Variants in TMCC1 observed in about 807,000 individuals in gnomAD.
The protein encoded by TMCC1 is transmembrane and coiled-coil domain family 1.
In TMCC1, 15 loss-of-function variants were observed where a neutral mutation model predicts 52.4. The observed-to-expected ratio is 0.29, with a 90% CI of 0.19 to 0.44. The LOEUF is 0.44. TMCC1 is among the 20% of genes least tolerant of loss of function. TMCC1 has a pLI of 1.00. For synonymous variants in TMCC1, 279 were observed against 301.9 expected (o/e 0.92, Z 0.79); for missense variants, 503 against 806.0 (o/e 0.62, Z 4.55).
intron 2 of TMCC1, among the ~76,000 whole-genome samples, chr3:129,860,102 C>T (rs961712662): frequency 9.9e-5 from 15 of 152,170 alleles, no homozygotes; most frequent in African/African-American, 3.4e-4. Flanking sequence ...TTTAAAAATA[C>T]ATATGTTAAA....
intron 4 of TMCC1, among the ~76,000 whole-genome samples, chr3:129,677,284 T>C (rs368916825): frequency 1.3e-5 from 2 of 152,244 alleles, no homozygotes; most frequent in South Asian, 2.1e-4. Flanking sequence ...CAGGCTATAA[T>C]ATTCAAGAAT....
intron 2 of TMCC1, among the ~76,000 whole-genome samples, chr3:129,866,088 C>G (rs2060613166): frequency 6.6e-6 from 1 of 151,754 alleles, no homozygotes; most frequent in African/African-American, 2.4e-5. Flanking sequence ...ATGGAATACA[C>G]CCACTATTCT....
intron 4 of TMCC1, chr3:129,688,347 A>G: frequency 1.0e-6 from 1 of 985,374 alleles, no homozygotes; most frequent in Non-Finnish European, 1.2e-6. Context: ...GCTGTGGCAT[A>G]GTCTGTCACT....
intron 4 of TMCC1, among the ~76,000 whole-genome samples, chr3:129,725,825 T>C (rs939312378): frequency 1.3e-5 from 2 of 152,214 alleles, no homozygotes; most frequent in Admixed American, 1.3e-4. Context: ...TCTGAGCTTC[T>C]TTCTTAGCAA....
intron 2 of TMCC1, among the ~76,000 whole-genome samples, chr3:129,853,889 C>T (rs1193879207): frequency 1.3e-5 from 2 of 152,128 alleles, no homozygotes; most frequent in Non-Finnish European, 1.5e-5. Context: ...CTCCTCTCTT[C>T]TCCACTTCAT....
chr3:129,738,850 ACT>A (rs2051210043), intron 4 of TMCC1, among the ~76,000 whole-genome samples: 1 of 152,162 alleles, frequency 6.6e-6, no homozygotes, highest in African/African-American at 2.4e-5. Flanking sequence ...ACAGGGTCTC[ACT>A]CTGTCACCCA....
At chr3:129,819,182 A>C (rs1446184634) in intron 4 of TMCC1, 1 of 152,266 alleles carries the variant, frequency 6.6e-6, no homozygotes, top group African/African-American at 2.4e-5. Context: ...TCCCGGGTTC[A>C]AGTGATTCTC....
chr3:129,886,020 C>A (rs1039298570), intron 1 of TMCC1, among the ~76,000 whole-genome samples: 2 of 152,114 alleles, frequency 1.3e-5, no homozygotes, highest in Non-Finnish European at 2.9e-5. Context: ...GGATTACAGG[C>A]GTGAGCCACT....
At chr3:129,759,863 A>T (rs2053375739) in intron 4 of TMCC1, among the ~76,000 whole-genome samples, 1 of 150,500 alleles carries the variant, frequency 6.6e-6, no homozygotes, top group Non-Finnish European at 1.5e-5. Context: ...CTGGGACTAT[A>T]GGCGCCCGCC....
intron 4 of TMCC1, among the ~76,000 whole-genome samples, chr3:129,786,958 G>C (rs1014893705): frequency 1.3e-5 from 2 of 152,144 alleles, no homozygotes; most frequent in Non-Finnish European, 2.9e-5. Context: ...AGAAACTAAA[G>C]TCTAAGCCCA....
chr3:129,841,995 G>A (rs1577055080), intron 2 of TMCC1, among the ~76,000 whole-genome samples: 1 of 152,092 alleles, frequency 6.6e-6, no homozygotes, highest in East Asian at 1.9e-4. Context: ...ACTAATACAA[G>A]GGGTATTATA....
intron 4 of TMCC1, among the ~76,000 whole-genome samples, chr3:129,759,709 A>ATTTTTTTTTT (rs1560350161): frequency 1.0e-4 from 10 of 98,368 alleles, no homozygotes; most frequent in African/African-American, 3.9e-4. Context: ...AGCCAGCCAA[A>ATTTTTTTTTT]CTTTTTTTTT....
chr3:129,676,702 T>G (rs2088478408), intron 4 of TMCC1, among the ~76,000 whole-genome samples: 1 of 152,184 alleles, frequency 6.6e-6, no homozygotes, highest in Admixed American at 6.5e-5. Context: ...AGGGCAAGAA[T>G]AAGAAGACCT....
At chr3:129,862,063 A>C (rs1019276602) in intron 2 of TMCC1, among the ~76,000 whole-genome samples, 1 of 152,230 alleles carries the variant, frequency 6.6e-6, no homozygotes, top group African/African-American at 2.4e-5. Context: ...GCTACAACAA[A>C]ATGTATAAAT....
At chr3:129,718,339 A>C (rs1003503645) in intron 4 of TMCC1, among the ~76,000 whole-genome samples, 10 of 152,250 alleles carry the variant, frequency 6.6e-5, no homozygotes, top group Non-Finnish European at 1.2e-4. Context: ...TCCAGTTGCT[A>C]GCAGTGAGTG....
chr3:129,887,371 G>A (rs2061758463), intron 1 of TMCC1, among the ~76,000 whole-genome samples: 1 of 151,746 alleles, frequency 6.6e-6, no homozygotes, highest in African/African-American at 2.4e-5. Context: ...GGGGAATCCC[G>A]TCTCTATTAA....
chr3:129,744,297 CA>C (rs1256075954), intron 4 of TMCC1, among the ~76,000 whole-genome samples: 6 of 152,100 alleles, frequency 3.9e-5, no homozygotes, highest in Non-Finnish European at 8.8e-5. Flanking sequence ...TTAACTTCAC[CA>C]CTTTCTTTTT....
intron 4 of TMCC1, among the ~76,000 whole-genome samples, chr3:129,796,241 G>A (rs2056811938): frequency 6.6e-6 from 1 of 152,162 alleles, no homozygotes; most frequent in Non-Finnish European, 1.5e-5. Flanking sequence ...TAGGTTTGTA[G>A]CCTAGGAGCA....
chr3:129,800,635 C>T (rs1294223987), intron 4 of TMCC1, among the ~76,000 whole-genome samples: 3 of 133,782 alleles, frequency 2.2e-5, no homozygotes, highest in South Asian at 2.8e-4. Flanking sequence ...TTCCTTCTGT[C>T]GCTTTTCTCA....
Sources: gnomAD v4.1 joint callset for allele counts (sites outside exome capture counted in the v4.1 genomes callset) on GRCh38, gnomAD v4.1.1 for gene constraint, MANE v1.5 for transcripts, NCBI Gene and HGNC (gene_info 2026-07-23, HGNC 2026-07-21) for gene names.